Variants in SPATA6L observed in about 807,000 individuals in gnomAD.
SPATA6L encodes the protein spermatogenesis associated 6-like protein.
Under a neutral mutation model 49.2 loss-of-function variants are expected in SPATA6L, and 68 were observed. The ratio of observed to expected loss-of-function variants is 1.38; its 90% CI spans 1.14 to 1.69. The LOEUF (loss-of-function observed/expected upper bound fraction) is 1.69. SPATA6L is among the 40% of genes most tolerant of loss of function. SPATA6L has a pLI of 0.00. For synonymous variants in SPATA6L, 198 were observed against 165.7 expected (o/e 1.19, Z -1.50); for missense variants, 668 against 464.3 (o/e 1.44, Z -4.03).
Position 4,644,460 on chromosome 9 carries a change from A to G in SPATA6L, c.227-9061T>C, listed in dbSNP as rs145282094. 3.2e-3 allele frequency among the ~76,000 whole-genome samples: 480 copies of G among 152,150 alleles called. 3 individuals are homozygous for G. Among genetic ancestry groups the G allele is most frequent in the African/African-American group, 0.01 (433 of 41,546 alleles). On this transcript the variant is annotated intron_variant, in intron 3 of 11. Coordinates refer to ENST00000682582, the MANE Select transcript of SPATA6L (RefSeq NM_001353486.2). ...AAACTATGCTATGTAAAAATTCCAT[A>G]TCTATGTGTTCTTCTATCTACAGAG...
intron 13 of SPATA6L, among the ~76,000 whole-genome samples, chr9:4,589,284 C>A (rs1048061517): frequency 4.6e-5 from 7 of 152,236 alleles, no homozygotes; most frequent in African/African-American, 1.7e-4. Context: ...CTTCTCCCCA[C>A]CCCTGCTTCT....
chr9:4,622,915 T>C (rs1412880338), intron 6 of SPATA6L, among the ~76,000 whole-genome samples: 2 of 152,166 alleles, frequency 1.3e-5, no homozygotes, highest in East Asian at 3.8e-4. Context: ...CAGCAAGGGA[T>C]TCCCATAAGA....
At chr9:4,641,274 G>C (rs900123166) in intron 3 of SPATA6L, among the ~76,000 whole-genome samples, 1 of 152,108 alleles carries the variant, frequency 6.6e-6, no homozygotes, top group African/African-American at 2.4e-5. Context: ...TCATCCCTAA[G>C]TATCCACAGG....
At chr9:4,661,500 A>T (rs943310463) in intron 2 of SPATA6L, among the ~76,000 whole-genome samples, 12 of 143,866 alleles carry the variant, frequency 8.3e-5, no homozygotes, top group African/African-American at 3.1e-4. Flanking sequence ...GATTTAACTA[A>T]TTTCATTATT....
At position 4,618,439 on chromosome 9, in the gene SPATA6L, T is replaced by C. The variant is rs138444468; in HGVS notation, c.808-329A>G. Among the ~76,000 whole-genome samples, 306 of 152,238 alleles carry C rather than the reference T, an allele frequency of 2.0e-3. 3 individuals carry two copies. The highest frequency in any genetic ancestry group is 7.1e-3 in the African/African-American group (293 of 41,560). The stretch of plus-strand genomic sequence containing the variant: ...ACTTTAACAAAATATTTAAGCGCTA[T>C]GGCATAAGAAGCATAGTATATTCCA... On this transcript the variant is annotated intron_variant, in intron 8 of 11. Coordinates refer to ENST00000682582, the MANE Select transcript of SPATA6L (RefSeq NM_001353486.2).
intron 13 of SPATA6L, among the ~76,000 whole-genome samples, chr9:4,591,372 G>T (rs1054772788): frequency 6.6e-6 from 1 of 152,152 alleles, no homozygotes; most frequent in Admixed American, 6.5e-5. Flanking sequence ...TGAGCCAAGG[G>T]CTTAAAAAAA....
intron 1 of SPATA6L, 22 bp downstream of exon 1, chr9:4,666,190 G>C (rs767142132): frequency 6.2e-7 from 1 of 1,613,646 alleles, no homozygotes; most frequent in East Asian, 2.2e-5. Flanking sequence ...GGTTAAGGAG[G>C]GGGAGTTCAT....
chr9:4,603,041 C>A (rs1823756289), intron 11 of SPATA6L, among the ~76,000 whole-genome samples: 2 of 152,132 alleles, frequency 1.3e-5, no homozygotes, highest in East Asian at 3.8e-4. Flanking sequence ...CGATGATGTC[C>A]CACAATGTGG....
intron 2 of SPATA6L, 52 bp from the exon 3 acceptor site, chr9:4,656,141 A>T: frequency 6.7e-7 from 1 of 1,501,474 alleles, no homozygotes; most frequent in Non-Finnish European, 9.2e-7. Context: ...TAATAAGCGC[A>T]TATAGAAACT....
chr9:4,602,100 C>G (rs531822200), intron 11 of SPATA6L, among the ~76,000 whole-genome samples: 1 of 151,700 alleles, frequency 6.6e-6, no homozygotes, highest in African/African-American at 2.4e-5. Flanking sequence ...GTGGGAATTC[C>G]TGTTGTGTGG....
chr9:4,619,068 G>C (rs187036891), intron 7 of SPATA6L, among the ~76,000 whole-genome samples, 170 bp from the exon 8 acceptor site: 2 of 151,900 alleles, frequency 1.3e-5, no homozygotes, highest in African/African-American at 4.8e-5. Context: ...TCTCCCTTGA[G>C]CCACTTCAAT....
chr9:4,654,652 C>A (rs1440147477), intron 3 of SPATA6L, among the ~76,000 whole-genome samples: 1 of 152,144 alleles, frequency 6.6e-6, no homozygotes, highest in Non-Finnish European at 1.5e-5. Context: ...ATGGGGGAGC[C>A]AGCAGGGAGA....
In SPATA6L at chr9:4,631,328, T is replaced by A. The variant is rs193053342; in HGVS notation, c.352-2160A>T. ...AAAAATAATTTTTAAATGCTTTTTA[T>A]GCTCACTTTACAAAGTCAGTCTTAA... On this transcript the variant is annotated intron_variant, in intron 4 of 11. Transcript: ENST00000682582. 5.5e-4 allele frequency among the ~76,000 whole-genome samples: 83 copies of A among 152,268 alleles called. 1 individual carries two copies. In the East Asian group the frequency reaches 0.014, roughly 27 times the overall value.
chr9:4,630,840 T>C (rs1357800881), intron 4 of SPATA6L, among the ~76,000 whole-genome samples: 2 of 152,230 alleles, frequency 1.3e-5, no homozygotes, highest in Non-Finnish European at 2.9e-5. Flanking sequence ...ACAATAATCC[T>C]GTAAGGGATG....
intron 3 of SPATA6L, among the ~76,000 whole-genome samples, chr9:4,643,309 A>G (rs1429602366): frequency 1.3e-5 from 2 of 152,180 alleles, no homozygotes; most frequent in Non-Finnish European, 2.9e-5. Context: ...TACTTTGCAA[A>G]CACAACAAAT....
chr9:4,625,283 T>C, intron 6 of SPATA6L, 44 bp downstream of exon 6: 1 of 1,583,628 alleles, frequency 6.3e-7, no homozygotes, highest in Non-Finnish European at 8.6e-7. Flanking sequence ...CTCATCCATA[T>C]CCTCACTATT....
At chr9:4,611,406 C>A (rs1826677421) in intron 9 of SPATA6L, among the ~76,000 whole-genome samples, 1 of 148,778 alleles carries the variant, frequency 6.7e-6, no homozygotes, top group Non-Finnish European at 1.5e-5. Flanking sequence ...CCCAAATGTC[C>A]AAGAATGATA....
intron 9 of SPATA6L, among the ~76,000 whole-genome samples, chr9:4,605,763 C>G (rs1055489590): frequency 1.3e-5 from 2 of 152,198 alleles, no homozygotes; most frequent in Admixed American, 1.3e-4. Context: ...AAATTTTAAT[C>G]TAAAACTTTT....
At chr9:4,657,616 T>C (rs138634996) in intron 2 of SPATA6L, among the ~76,000 whole-genome samples, 1 of 152,270 alleles carries the variant, frequency 6.6e-6, no homozygotes, top group African/African-American at 2.4e-5. Context: ...ATTCATAAAC[T>C]AGGCAGCACT....
Sources: gnomAD v4.1 joint callset for allele counts (sites outside exome capture counted in the v4.1 genomes callset) on GRCh38, gnomAD v4.1.1 for gene constraint, MANE v1.5 for transcripts, NCBI Gene and HGNC (gene_info 2026-07-23, HGNC 2026-07-21) for gene names.